The following TRHDE variants were observed in gnomAD, a reference collection of about 807,000 sequenced individuals.
TRHDE encodes the protein thyrotropin-releasing hormone-degrading ectoenzyme.
A neutral mutation model predicts 125.7 loss-of-function variants in TRHDE; 72 were observed. That is an observed-to-expected ratio of 0.57 (90% CI 0.47 to 0.70). TRHDE has a LOEUF of 0.70. Among genes scored for constraint, TRHDE ranks in the 30% least tolerant of loss-of-function variants. TRHDE has a pLI of 0.00. For missense variants in TRHDE, 1,110 were observed against 1,327.1 expected (o/e 0.84, Z 2.54); for synonymous variants, 509 against 509.1 (o/e 1.00, Z 0.00).
chr12:72,534,732 T>C (rs1868762638), intron 6 of TRHDE, among the ~76,000 whole-genome samples: 1 of 152,150 alleles, frequency 6.6e-6, no homozygotes, highest in Non-Finnish European at 1.5e-5. Flanking sequence ...ATCATTATTA[T>C]TAATGGTGGC....
At chr12:72,353,141 G>A (rs1048091378) in intron 2 of TRHDE, among the ~76,000 whole-genome samples, 1 of 151,634 alleles carries the variant, frequency 6.6e-6, no homozygotes, top group Non-Finnish European at 1.5e-5. Context: ...TATTTAAAAT[G>A]TATTGGTCAG....
At chr12:72,504,797 G>T (rs1878294530) in intron 6 of TRHDE, among the ~76,000 whole-genome samples, 1 of 152,128 alleles carries the variant, frequency 6.6e-6, no homozygotes, top group African/African-American at 2.4e-5. Flanking sequence ...ATTTTGAAAT[G>T]TTGTATGTAA....
At chr12:72,373,288 G>A (rs1023448260) in intron 2 of TRHDE, among the ~76,000 whole-genome samples, 2 of 152,090 alleles carry the variant, frequency 1.3e-5, no homozygotes, top group East Asian at 1.9e-4. Context: ...AGGAGATTTC[G>A]GGCTGAGACA....
chr12:72,423,339 A>G (rs1044463522), intron 3 of TRHDE, among the ~76,000 whole-genome samples: 2 of 152,140 alleles, frequency 1.3e-5, no homozygotes, highest in African/African-American at 4.8e-5. Flanking sequence ...TAAGTTCAGG[A>G]GCATCTCTAT....
intron 6 of TRHDE, among the ~76,000 whole-genome samples, chr12:72,511,408 T>A (rs1878575627): frequency 6.6e-6 from 1 of 152,150 alleles, no homozygotes; most frequent in Admixed American, 6.6e-5. Context: ...TTCCCATCTG[T>A]CTCTGAGTGG....
At chr12:72,634,264 A>G (rs530598362) in intron 15 of TRHDE, among the ~76,000 whole-genome samples, 2 of 152,154 alleles carry the variant, frequency 1.3e-5, no homozygotes, top group African/African-American at 2.4e-5. Flanking sequence ...CTAAAGAATG[A>G]GAATAGAAAG....
At position 72,103,961 on chromosome 12, in the gene TRHDE, A is replaced by T. The variant is rs186555479; in HGVS notation, n.175-1687A>T. ...CATTGCTTGAGAGCTGTAGAAGGCA[A>T]GGTATAGGAGGCTGAAGAGGCATAG... On this transcript the variant is annotated intron_variant and non_coding_transcript_variant, in intron 1 of 4. Transcript: ENST00000548156. 3.3e-5 allele frequency among the ~76,000 whole-genome samples: 5 copies of T among 152,222 alleles called. No individual in the cohort carries two copies. The East Asian group carries it at 9.7e-4, about 30-fold the overall frequency.
chr12:72,630,031 AAT>A lies in TRHDE; in HGVS notation c.2675+8292_2675+8293del, dbSNP rs149164331. Among the ~76,000 whole-genome samples, 452 of 149,372 alleles carry A rather than the reference AAT, an allele frequency of 3.0e-3. 1 individual carries two copies. Among genetic ancestry groups the A allele is most frequent in the African/African-American group, 9.9e-3 (406 of 40,982 alleles). ...TGTTTCATTTTATGTATATATAATG[AAT>A]ATATATATATACATATATATAAAGT... On this transcript the variant is annotated intron_variant, in intron 15 of 18. Transcript: ENST00000261180.
chr12:72,293,005 G>A (rs868323899), intron 2 of TRHDE, among the ~76,000 whole-genome samples: 2 of 152,154 alleles, frequency 1.3e-5, no homozygotes, highest in Middle Eastern at 3.2e-3. Context: ...AGGTCTCGTT[G>A]ATTGGGGTTA....
At chr12:72,655,521 A>G (rs550237037) in intron 17 of TRHDE, among the ~76,000 whole-genome samples, 3 of 152,088 alleles carry the variant, frequency 2.0e-5, no homozygotes, top group East Asian at 3.9e-4. Flanking sequence ...TCTAGATGCC[A>G]TTTTCTCTCA....
At chr12:72,617,920 A>G (rs1216401941) in intron 12 of TRHDE, among the ~76,000 whole-genome samples, 2 of 152,184 alleles carry the variant, frequency 1.3e-5, no homozygotes, top group African/African-American at 4.8e-5. Flanking sequence ...TAGAGTCACA[A>G]TGGATATTAG....
At chr12:72,419,683 G>A (rs1325450954) in intron 3 of TRHDE, among the ~76,000 whole-genome samples, 1 of 152,084 alleles carries the variant, frequency 6.6e-6, no homozygotes, top group Non-Finnish European at 1.5e-5. Context: ...TCCAACATTA[G>A]GGATTACATT....
intron 3 of TRHDE, among the ~76,000 whole-genome samples, chr12:72,407,766 G>T (rs192293063): frequency 6.6e-6 from 1 of 152,126 alleles, no homozygotes; most frequent in East Asian, 1.9e-4. Context: ...AACACAGGGC[G>T]CACTCTAGGT....
At chr12:72,471,895 C>T (rs1876666725) in intron 4 of TRHDE, among the ~76,000 whole-genome samples, 1 of 152,134 alleles carries the variant, frequency 6.6e-6, no homozygotes, top group Non-Finnish European at 1.5e-5. Context: ...TGCTTTCCTC[C>T]TCCTGGTCCA....
At chr12:72,252,561 A>G (rs1878709098) in intron 2 of TRHDE, among the ~76,000 whole-genome samples, 1 of 152,122 alleles carries the variant, frequency 6.6e-6, no homozygotes, top group South Asian at 2.1e-4. Flanking sequence ...ATAAAGCTTA[A>G]TATCAGGTAG....
chr12:72,150,423 GT>G (rs1331332208), intron 2 of TRHDE, among the ~76,000 whole-genome samples: 3 of 150,936 alleles, frequency 2.0e-5, no homozygotes, highest in Admixed American at 1.3e-4. Flanking sequence ...TTTACTTTAA[GT>G]TTTAGGGTAC....
chr12:72,639,270 G>A (rs1873920895), intron 15 of TRHDE, among the ~76,000 whole-genome samples: 1 of 151,960 alleles, frequency 6.6e-6, no homozygotes, highest in Non-Finnish European at 1.5e-5. Context: ...TTCCATCGCT[G>A]ATACCCTTTC....
chr12:72,124,551 G>A lies in TRHDE; in HGVS notation n.279+18799G>A, dbSNP rs969278694. ...GGTTAGGCCTCAGTGAGATCTAAAC[G>A]TAAAGTCTGATAATGTCAAGGATCT... is the stretch of plus-strand genomic sequence containing the variant. On this transcript the variant is annotated intron_variant and non_coding_transcript_variant, in intron 2 of 4. Transcript: ENST00000548156. 3.9e-5 allele frequency among the ~76,000 whole-genome samples: 6 copies of A among 152,090 alleles called. No homozygotes were observed. The East Asian group carries it at 9.6e-4, about 24-fold the overall frequency.
chr12:72,132,076 G>A (rs182585631), intron 2 of TRHDE, among the ~76,000 whole-genome samples: 12 of 152,302 alleles, frequency 7.9e-5, no homozygotes, highest in Non-Finnish European at 1.6e-4. Flanking sequence ...TAACAATGGA[G>A]TAAGAGCGTC....
Sources: gnomAD v4.1 joint callset for allele counts (sites outside exome capture counted in the v4.1 genomes callset) on GRCh38, gnomAD v4.1.1 for gene constraint, MANE v1.5 for transcripts, NCBI Gene and HGNC (gene_info 2026-07-23, HGNC 2026-07-21) for gene names.